Variants in SNX29 observed in about 807,000 individuals in gnomAD.
SNX29 encodes the protein sorting nexin-29.
In SNX29, 78 loss-of-function variants were observed where a neutral mutation model predicts 102.1. The ratio of observed to expected loss-of-function variants is 0.76; its 90% CI spans 0.64 to 0.92. The LOEUF is 0.92. Ranked by LOEUF, SNX29 falls within the 40% of genes least tolerant of loss-of-function variation. The pLI, the probability that SNX29 is intolerant of heterozygous loss-of-function variation, is 0.00. For missense variants in SNX29, 1,280 were observed against 1,061.7 expected (o/e 1.21, Z -2.86); for synonymous variants, 580 against 414.5 (o/e 1.40, Z -4.85).
chr16:12,446,816 A>G (rs1318478051), intron 18 of SNX29, among the ~76,000 whole-genome samples: 2 of 152,092 alleles, frequency 1.3e-5, no homozygotes, highest in Non-Finnish European at 2.9e-5. Flanking sequence ...TGTTTTATTA[A>G]CTGGATCCCA....
chr16:12,435,955 C>T (rs1348025719), intron 18 of SNX29, among the ~76,000 whole-genome samples: 1 of 152,174 alleles, frequency 6.6e-6, no homozygotes, highest in African/African-American at 2.4e-5. Context: ...ACGTGCCGCG[C>T]GTTACTTCCC....
intron 20 of SNX29, chr16:12,546,238 G>T (rs1398015469): frequency 6.6e-6 from 1 of 152,204 alleles, no homozygotes; most frequent in Non-Finnish European, 1.5e-5. Context: ...AGGTAAACTT[G>T]ACCTCTTTTC....
In SNX29 at chr16:12,572,778, C is replaced by T. The variant is rs2079215521; in HGVS notation, c.*4149C>T. 1 of 1,063,628 alleles carries T rather than the reference C, an allele frequency of 9.4e-7. No homozygotes were observed. The highest frequency in any genetic ancestry group is 1.1e-6 in the Non-Finnish European group (1 of 878,268). 65.9% of individuals were successfully genotyped at this position (1,063,628 alleles called of 1,614,324 possible). A position where few individuals can be genotyped will look rare whatever the true frequency, so the allele number is the denominator to read the frequency against. On this transcript the variant is annotated 3_prime_UTR_variant, in exon 21 of 21. Coordinates refer to ENST00000566228, the MANE Select transcript of SNX29 (RefSeq NM_032167.5). ...CTTCTGGGACCCGAGGAAGACCCCA[C>T]CTCACTCCTCCTTCCCCAGTACATC...
intron 11 of SNX29, 113 bp from the exon 12 acceptor site, chr16:12,126,520 A>G: frequency 9.1e-7 from 1 of 1,104,912 alleles, no homozygotes; most frequent in African/African-American, 1.6e-5. Flanking sequence ...TGAAAGGGAA[A>G]AGGGAACTTA....
chr16:12,274,838 T>C (rs781681063), intron 14 of SNX29, among the ~76,000 whole-genome samples: 1 of 152,240 alleles, frequency 6.6e-6, no homozygotes, highest in South Asian at 2.1e-4. Context: ...TCTGCTGTTA[T>C]AGTTTCACTC....
intron 13 of SNX29, among the ~76,000 whole-genome samples, chr16:12,187,669 C>G (rs1471209443): frequency 6.6e-6 from 1 of 151,550 alleles, no homozygotes; most frequent in Non-Finnish European, 1.5e-5. Context: ...CTTGCCTGTT[C>G]TCCCCCCAAC....
At chr16:12,341,039 A>T (rs951222381) in intron 15 of SNX29, among the ~76,000 whole-genome samples, 2 of 152,200 alleles carry the variant, frequency 1.3e-5, no homozygotes, top group African/African-American at 4.8e-5. Context: ...AGACGTGATG[A>T]TTACAGTGAA....
rs868822130 is a variant in SNX29, at chr16:12,228,108, C to G, written c.1678+28425C>G. Among the ~76,000 whole-genome samples the G allele has an allele frequency of 3.9e-5, 6 of 152,102 alleles. No homozygotes were observed. In the South Asian group the frequency reaches 1.2e-3, roughly 32 times the overall value. On this transcript the variant is annotated intron_variant, in intron 14 of 20. Transcript: ENST00000566228. ...CTGGGCAACACAGTTGAGACCCTGT[C>G]AGGAAAAGAAAAGGAGAATGTCAGA...
intron 8 of SNX29, among the ~76,000 whole-genome samples, chr16:12,055,142 C>G (rs1282632185): frequency 2.0e-5 from 3 of 151,962 alleles, no homozygotes; most frequent in East Asian, 1.9e-4. Flanking sequence ...TGTGTAGTTC[C>G]TTCTCTGTCC....
intron 18 of SNX29, among the ~76,000 whole-genome samples, chr16:12,466,193 A>G (rs2087044522): frequency 6.6e-6 from 1 of 152,232 alleles, no homozygotes; most frequent in Non-Finnish European, 1.5e-5. Flanking sequence ...TTGGAAAAGC[A>G]GAAGTTAAAT....
intron 11 of SNX29, among the ~76,000 whole-genome samples, chr16:12,117,443 T>G (rs940895259): frequency 9.9e-5 from 15 of 151,892 alleles, no homozygotes; most frequent in African/African-American, 3.1e-4. Context: ...ACAGGCGTGG[T>G]CAATACGTGC....
chr16:12,433,790 C>G (rs892639418), intron 18 of SNX29, among the ~76,000 whole-genome samples: 4 of 152,170 alleles, frequency 2.6e-5, no homozygotes. Flanking sequence ...TGCCACTGCA[C>G]TCCAGCCCAG....
chr16:12,542,733 G>T (rs1263910239), intron 20 of SNX29, among the ~76,000 whole-genome samples: 1 of 138,856 alleles, frequency 7.2e-6, no homozygotes, highest in Non-Finnish European at 1.5e-5. Flanking sequence ...TAAATCTTGT[G>T]CATATAAGCA....
chr16:12,183,593 G>A (rs1054879900), intron 13 of SNX29, among the ~76,000 whole-genome samples: 1 of 152,080 alleles, frequency 6.6e-6, no homozygotes, highest in African/African-American at 2.4e-5. Context: ...ACTTCTTTCC[G>A]AAGAACAAGG....
chr16:12,568,861 C>A lies in SNX29; in HGVS notation c.*232C>A. ...ACCTCGCTGGAGAGACTGGGACACA[C>A]AGTCCTTCTGCTTCTGGGGTCTACC... is the stretch of plus-strand genomic sequence containing the variant. On this transcript the variant is annotated 3_prime_UTR_variant, in exon 21 of 21. Coordinates refer to ENST00000566228, the MANE Select transcript of SNX29 (RefSeq NM_032167.5). 1 of 624,946 alleles carries A rather than the reference C, an allele frequency of 1.6e-6. No homozygotes were observed. The allele number at this position is 624,946 out of a possible 1,614,324, so 38.7% of individuals were successfully genotyped here. A position where few individuals can be genotyped will look rare whatever the true frequency, so the allele number is the denominator to read the frequency against.
intron 20 of SNX29, among the ~76,000 whole-genome samples, chr16:12,547,643 A>G (rs1300161453): frequency 6.6e-6 from 1 of 152,052 alleles, no homozygotes. Context: ...GGATGGAGAT[A>G]TGATTCCCAC....
At chr16:12,256,750 T>C (rs1214223132) in intron 14 of SNX29, among the ~76,000 whole-genome samples, 1 of 152,154 alleles carries the variant, frequency 6.6e-6, no homozygotes, top group African/African-American at 2.4e-5. Flanking sequence ...AGTTCCTGGG[T>C]ACGTGGGATT....
chr16:12,215,500 A>G (rs1273610598), intron 14 of SNX29, among the ~76,000 whole-genome samples: 2 of 151,986 alleles, frequency 1.3e-5, no homozygotes, highest in African/African-American at 2.4e-5. Flanking sequence ...CTCTATATCT[A>G]CCCACCTGGG....
chr16:12,041,237 G>A (rs1285343475), intron 4 of SNX29, among the ~76,000 whole-genome samples: 17 of 152,108 alleles, frequency 1.1e-4, no homozygotes, highest in African/African-American at 4.1e-4. Context: ...TCAGCCTCCC[G>A]TGTAGCTGGG....
Sources: gnomAD v4.1 joint callset for allele counts (sites outside exome capture counted in the v4.1 genomes callset) on GRCh38, gnomAD v4.1.1 for gene constraint, MANE v1.5 for transcripts, NCBI Gene and HGNC (gene_info 2026-07-23, HGNC 2026-07-21) for gene names.